The following MRPS28 variants were observed in gnomAD, a reference collection of about 807,000 sequenced individuals.
MRPS28 encodes mitochondrial ribosomal protein S28, also known as small ribosomal subunit protein bS1m.
Under a neutral mutation model 10.8 loss-of-function variants are expected in MRPS28, and 7 were observed. That is an observed-to-expected ratio of 0.65 (90% CI 0.37 to 1.22). The LOEUF (loss-of-function observed/expected upper bound fraction) is 1.22. MRPS28 is among the 50% of genes most tolerant of loss of function. The pLI is 0.02. For missense variants in MRPS28, 265 were observed against 232.9 expected (o/e 1.14, Z -0.90); for synonymous variants, 121 against 93.3 (o/e 1.30, Z -1.71).
chr8:79,930,839 A>C (rs987946714), intron 2 of MRPS28, among the ~76,000 whole-genome samples: 5 of 152,230 alleles, frequency 3.3e-5, no homozygotes, highest in Admixed American at 3.3e-4. Flanking sequence ...CAATTGTCAA[A>C]TATCTTTGAA....
intron 2 of MRPS28, among the ~76,000 whole-genome samples, chr8:79,986,448 T>G (rs1297746596): frequency 3.3e-5 from 5 of 152,068 alleles, no homozygotes; most frequent in Non-Finnish European, 5.9e-5. Context: ...GAGAAGGAAA[T>G]AAAGGGTATT....
At chr8:79,926,752 G>A (rs532546453) in intron 2 of MRPS28, among the ~76,000 whole-genome samples, 2 of 152,140 alleles carry the variant, frequency 1.3e-5, no homozygotes, top group Non-Finnish European at 2.9e-5. Context: ...TGACAGACTT[G>A]GTATATCTGT....
At chr8:79,933,309 T>C (rs1050124084) in intron 2 of MRPS28, among the ~76,000 whole-genome samples, 1 of 152,220 alleles carries the variant, frequency 6.6e-6, no homozygotes, top group African/African-American at 2.4e-5. Flanking sequence ...TCTCACTGCA[T>C]GCACATGCAG....
chr8:79,974,811 T>C (rs140447055), intron 2 of MRPS28, among the ~76,000 whole-genome samples: 82 of 152,182 alleles, frequency 5.4e-4, no homozygotes, highest in African/African-American at 1.9e-3. Context: ...ACCTGGCCAA[T>C]AGTAATTTCA....
At chr8:80,009,895 AT>A (rs1405707614) in intron 1 of MRPS28, among the ~76,000 whole-genome samples, 4 of 152,200 alleles carry the variant, frequency 2.6e-5, no homozygotes, top group African/African-American at 9.7e-5. Context: ...TATTCTTTTA[AT>A]ACAAATGTAA....
At chr8:79,992,389 C>T (rs769537363) in intron 2 of MRPS28, among the ~76,000 whole-genome samples, 1 of 152,232 alleles carries the variant, frequency 6.6e-6, no homozygotes, top group Non-Finnish European at 1.5e-5. Flanking sequence ...TCCATCCCAA[C>T]ACTCCCTCTC....
At chr8:79,919,940 C>CTCCCCCA (rs1162490296) in intron 2 of MRPS28, among the ~76,000 whole-genome samples, 4 of 112,444 alleles carry the variant, frequency 3.6e-5, no homozygotes, top group African/African-American at 1.4e-4. Context: ...AATGCTATCC[C>CTCCCCCA]TCCCCCCACC....
chr8:79,962,054 A>G (rs1420246258), intron 2 of MRPS28, among the ~76,000 whole-genome samples: 1 of 152,142 alleles, frequency 6.6e-6, no homozygotes, highest in Admixed American at 6.6e-5. Flanking sequence ...CTAAGGTAGA[A>G]CATATTTAAT....
rs183235159 is a variant in MRPS28, at chr8:79,984,542, C to T, written c.395+18457G>A. The stretch of plus-strand genomic sequence containing the variant: ...ATTCAGGAGACCCATCTCATGTGCA[C>T]AGACACACATAGGCTCAAAATAAAG... On this transcript the variant is annotated intron_variant, in intron 2 of 2. Coordinates refer to ENST00000276585, the MANE Select transcript of MRPS28 (RefSeq NM_014018.3). 2.4e-3 allele frequency among the ~76,000 whole-genome samples: 363 copies of T among 152,212 alleles called. 4 individuals are homozygous for T. The highest frequency in any genetic ancestry group is 8.3e-3 in the African/African-American group (343 of 41,530).
intron 2 of MRPS28, among the ~76,000 whole-genome samples, chr8:79,972,607 C>T (rs913502772): frequency 4.6e-5 from 7 of 152,298 alleles, no homozygotes; most frequent in Non-Finnish European, 1.0e-4. Flanking sequence ...TCACACTCAT[C>T]GAAAAGTTCC....
intron 2 of MRPS28, among the ~76,000 whole-genome samples, chr8:79,973,248 T>G (rs755739240): frequency 4.6e-5 from 7 of 152,152 alleles, no homozygotes; most frequent in Non-Finnish European, 8.8e-5. Flanking sequence ...ACATTTAGAG[T>G]TGGACTCTCA....
At chr8:80,016,015 G>T (rs1476023501) in intron 1 of MRPS28, among the ~76,000 whole-genome samples, 1 of 151,730 alleles carries the variant, frequency 6.6e-6, no homozygotes, top group Non-Finnish European at 1.5e-5. Flanking sequence ...AAAAGATTGA[G>T]GGAAAAATTG....
intron 2 of MRPS28, among the ~76,000 whole-genome samples, chr8:79,923,830 C>T (rs185667405): frequency 3.9e-5 from 6 of 152,262 alleles, no homozygotes; most frequent in Middle Eastern, 3.4e-3. Flanking sequence ...CTGCAGTAAA[C>T]GAGACTGCAT....
intron 2 of MRPS28, among the ~76,000 whole-genome samples, chr8:80,001,067 A>T (rs1262940967): frequency 6.6e-6 from 1 of 152,250 alleles, no homozygotes; most frequent in Non-Finnish European, 1.5e-5. Flanking sequence ...AATAAACTTG[A>T]CTAAGCAGTT....
intron 2 of MRPS28, among the ~76,000 whole-genome samples, chr8:79,976,826 A>G (rs1299526541): frequency 1.3e-5 from 2 of 152,232 alleles, no homozygotes; most frequent in South Asian, 2.1e-4. Flanking sequence ...AAATAAAATG[A>G]TATTTTTCAA....
At chr8:80,023,375 C>A (rs1016679047) in intron 1 of MRPS28, among the ~76,000 whole-genome samples, 1 of 151,968 alleles carries the variant, frequency 6.6e-6, no homozygotes, top group Non-Finnish European at 1.5e-5. Flanking sequence ...AAAAATTATA[C>A]TAAAAATAAA....
At chr8:79,920,176 A>T (rs1477700779) in intron 2 of MRPS28, among the ~76,000 whole-genome samples, 1 of 151,912 alleles carries the variant, frequency 6.6e-6, no homozygotes, top group Non-Finnish European at 1.5e-5. Context: ...ACATTTTCTT[A>T]ATCTAGTCTA....
chr8:80,008,331 C>T (rs1450321377), intron 1 of MRPS28, among the ~76,000 whole-genome samples: 1 of 151,128 alleles, frequency 6.6e-6, no homozygotes, highest in Non-Finnish European at 1.5e-5. Flanking sequence ...TAGAAGAAAA[C>T]CTAGGCAATA....
At chr8:79,973,403 G>C (rs965274240) in intron 2 of MRPS28, among the ~76,000 whole-genome samples, 2 of 152,140 alleles carry the variant, frequency 1.3e-5, no homozygotes, top group African/African-American at 4.8e-5. Context: ...GCAGTGGTGT[G>C]TGCCTGAAGT....
Sources: gnomAD v4.1 joint callset for allele counts (sites outside exome capture counted in the v4.1 genomes callset) on GRCh38, gnomAD v4.1.1 for gene constraint, MANE v1.5 for transcripts, NCBI Gene and HGNC (gene_info 2026-07-23, HGNC 2026-07-21) for gene names.